SMARCA2: variants seen among roughly 807,000 people sequenced by gnomAD.
The protein encoded by SMARCA2 is SWI/SNF related BAF chromatin remodeling complex subunit ATPase 2.
In SMARCA2, 61 loss-of-function variants were observed where a neutral mutation model predicts 199.8. The observed-to-expected ratio is 0.31, with a 90% CI of 0.25 to 0.38. SMARCA2 has a LOEUF of 0.38. Ranked by LOEUF, SMARCA2 falls within the 10% of genes least tolerant of loss-of-function variation. SMARCA2 has a pLI of 1.00. For missense variants in SMARCA2, 1,344 were observed against 2,012.2 expected, an observed-to-expected ratio of 0.67 and a Z score of 6.35; for synonymous variants, 935 against 732.0, an observed-to-expected ratio of 1.28 and a Z score of -4.48.
chr9:2,179,354 C>T (rs1029184329), intron 29 of SMARCA2, among the ~76,000 whole-genome samples: 1 of 152,160 alleles, frequency 6.6e-6, no homozygotes, highest in Non-Finnish European at 1.5e-5. Flanking sequence ...TCCAGGTCCT[C>T]CTTTTGCCTT....
chr9:2,152,332 AC>A (rs769530448), intron 27 of SMARCA2, among the ~76,000 whole-genome samples: 33 of 152,180 alleles, frequency 2.2e-4, no homozygotes, highest in Non-Finnish European at 3.2e-4. Flanking sequence ...CAGGTGGATC[AC>A]CTGAGGTCAA....
intron 32 of SMARCA2, among the ~76,000 whole-genome samples, chr9:2,190,452 A>T (rs1253138646): frequency 6.6e-6 from 1 of 152,252 alleles, no homozygotes; most frequent in African/African-American, 2.4e-5. Context: ...GCAGGTATGT[A>T]TGAGGCTTTA....
intron 27 of SMARCA2, among the ~76,000 whole-genome samples, chr9:2,139,302 G>A (rs1265781202): frequency 1.3e-5 from 2 of 152,192 alleles, no homozygotes; most frequent in Non-Finnish European, 2.9e-5. Context: ...GTAGGTTTGG[G>A]TTTTTCAAGG....
Position 2,191,365 on chromosome 9 carries a change from C to G in SMARCA2, c.4694C>G (p.Pro1565Arg). The G allele has an allele frequency of 6.2e-7, 1 of 1,614,176 alleles. No individual in the cohort carries two copies. The highest frequency in any genetic ancestry group is 1.1e-5 in the South Asian group (1 of 91,080). ...AGGCCAAATCGAGGAAAAGCCAAACCTGTAGTGAGCGATTTTGACAGCGAT... is the reference window on the plus strand; with the variant it reads ...AGGCCAAATCGAGGAAAAGCCAAACGTGTAGTGAGCGATTTTGACAGCGAT... ...KKRPNRGKAK[P>R]VVSDFDSDEE... Residue 1565 changes from proline to arginine, a missense_variant, in exon 33 of 34, where the codon CCT becomes CGT. Physicochemically the swap from Pro to Arg is moderately radical, Grantham distance 103. This residue lies in a region of SMARCA2 where 155 missense variants were observed against 121.1 expected (regional missense o/e 1.28). Transcript: ENST00000349721.
At chr9:2,180,367 T>C (rs1225684472) in intron 29 of SMARCA2, among the ~76,000 whole-genome samples, 1 of 152,172 alleles carries the variant, frequency 6.6e-6, no homozygotes, top group African/African-American at 2.4e-5. Context: ...GCTAAGCAAC[T>C]GTTTGAGTTA....
intron 32 of SMARCA2, among the ~76,000 whole-genome samples, chr9:2,189,634 CTT>C (rs1198164710): frequency 6.6e-6 from 1 of 152,030 alleles, no homozygotes; most frequent in African/African-American, 2.4e-5. Context: ...TCTCCAGTCT[CTT>C]CTTCTTCTCC....
chr9:2,066,435 A>G (rs776970048), intron 9 of SMARCA2, among the ~76,000 whole-genome samples: 8 of 152,176 alleles, frequency 5.3e-5, no homozygotes, highest in Non-Finnish European at 1.2e-4. Context: ...CCATGCACAT[A>G]CCTTTGCTTG....
intron 15 of SMARCA2, 75 bp from the exon 16 acceptor site, chr9:2,083,268 CATGA>C: frequency 1.1e-6 from 1 of 905,102 alleles, no homozygotes; most frequent in Non-Finnish European, 1.7e-6. Context: ...GAGGCCTGAA[CATGA>C]ATAAGAACAT....
At chr9:2,160,634 A>G in intron 27 of SMARCA2, 1 of 701,670 alleles carries the variant, frequency 1.4e-6, no homozygotes. Flanking sequence ...TTGCCTTATG[A>G]TTAGAGCTCT....
At chr9:2,156,080 T>C (rs1158025626) in intron 27 of SMARCA2, among the ~76,000 whole-genome samples, 1 of 152,188 alleles carries the variant, frequency 6.6e-6, no homozygotes, top group East Asian at 1.9e-4. Flanking sequence ...GGTTTGTGAA[T>C]AGTTATGTGC....
chr9:2,023,200 T>C (rs886611952), intron 1 of SMARCA2, among the ~76,000 whole-genome samples: 1 of 152,176 alleles, frequency 6.6e-6, no homozygotes, highest in African/African-American at 2.4e-5. Context: ...GGGGGACTAA[T>C]TAGCTGCTGC....
intron 8 of SMARCA2, 116 bp from the exon 9 acceptor site, chr9:2,060,700 A>G: frequency 1.1e-6 from 1 of 888,094 alleles, no homozygotes; most frequent in South Asian, 1.6e-5. Context: ...CAACTCATCC[A>G]GTTTGCTACA....
chr9:2,111,046 G>GTTTTT (rs763044837), intron 24 of SMARCA2, among the ~76,000 whole-genome samples: 1 of 142,468 alleles, frequency 7.0e-6, no homozygotes, highest in African/African-American at 2.6e-5. Flanking sequence ...TTGATGTTTT[G>GTTTTT]TTTTTTTTTT....
chr9:2,162,550 T>C (rs1825738179), intron 28 of SMARCA2, among the ~76,000 whole-genome samples: 1 of 152,216 alleles, frequency 6.6e-6, no homozygotes, highest in Admixed American at 6.5e-5. Context: ...CACTGTAGGG[T>C]GTCAGTCAGA....
rs148679148 is a variant in SMARCA2 at position 2,156,810 on chromosome 9, C to T, written c.3982-4876C>T. Among the ~76,000 whole-genome samples, 5 of 152,328 alleles carry T rather than the reference C, an allele frequency of 3.3e-5. No individual in the cohort carries two copies. In the East Asian group the frequency reaches 9.7e-4, roughly 29 times the overall value. On this transcript the variant is annotated intron_variant, in intron 27 of 33. Transcript: ENST00000349721. ...TGTGCAACCATCACCAACATCCCAT[C>T]TTCAGAACTTTTCCGTTATCTCAAA...
At chr9:2,182,766 A>C (rs1363964240) in intron 31 of SMARCA2, among the ~76,000 whole-genome samples, 1 of 148,646 alleles carries the variant, frequency 6.7e-6, no homozygotes, top group African/African-American at 2.5e-5. Flanking sequence ...AAGTGTTGGG[A>C]TTACAGGCAT....
At chr9:2,136,542 G>C (rs1176145913) in intron 27 of SMARCA2, among the ~76,000 whole-genome samples, 1 of 152,132 alleles carries the variant, frequency 6.6e-6, no homozygotes, top group Non-Finnish European at 1.5e-5. Context: ...TATGGAGACT[G>C]TTGAAAAGCA....
chr9:2,047,653 C>G, intron 5 of SMARCA2, 169 bp downstream of exon 5: 1 of 827,126 alleles, frequency 1.2e-6, no homozygotes, highest in Middle Eastern at 4.6e-4. Context: ...AGGGGAGGCA[C>G]CGGGGTTTTG....
chr9:2,037,702 A>G (rs949094962), intron 3 of SMARCA2, among the ~76,000 whole-genome samples: 4 of 151,996 alleles, frequency 2.6e-5, no homozygotes, highest in African/African-American at 9.7e-5. Flanking sequence ...TTTAATAAAC[A>G]CTTATGTGAT....
Sources: allele counts gnomAD v4.1 joint callset (sites outside exome capture counted in the v4.1 genomes callset), GRCh38; gene constraint gnomAD v4.1.1; regional missense constraint gnomAD v4.1.1; transcripts MANE v1.5; gene names NCBI Gene and HGNC (gene_info 2026-07-23, HGNC 2026-07-21).